GRM1: variants seen among roughly 807,000 people sequenced by gnomAD.
The protein encoded by GRM1 is metabotropic glutamate receptor 1.
A neutral mutation model predicts 90.9 loss-of-function variants in GRM1; 33 were observed. The ratio of observed to expected loss-of-function variants is 0.36; its 90% confidence interval spans 0.28 to 0.49. The LOEUF is 0.49. Ranked by LOEUF, GRM1 falls within the 20% of genes least tolerant of loss-of-function variation. The probability of loss-of-function intolerance (pLI) is 0.99; values close to 1 mark genes in which losing one functional copy is unlikely to be tolerated. For missense variants in GRM1, 1,190 were observed against 1,534.3 expected (o/e 0.78, Z 3.75); for synonymous variants, 700 against 613.2 (o/e 1.14, Z -2.09).
intron 5 of GRM1, among the ~76,000 whole-genome samples, chr6:146,366,156 T>A (rs1775678603): frequency 6.6e-6 from 1 of 152,202 alleles, no homozygotes; most frequent in Non-Finnish European, 1.5e-5. Context: ...AATGAATGAA[T>A]GAATGAATGA....
chr6:146,225,346 A>C (rs1483346212), intron 2 of GRM1, among the ~76,000 whole-genome samples: 1 of 152,144 alleles, frequency 6.6e-6, no homozygotes, highest in Non-Finnish European at 1.5e-5. Context: ...AAGACCAGGA[A>C]GATAGGGGAG....
intron 2 of GRM1, among the ~76,000 whole-genome samples, chr6:146,211,920 A>G (rs1779699803): frequency 6.6e-6 from 1 of 152,184 alleles, no homozygotes; most frequent in African/African-American, 2.4e-5. Context: ...ACATATTAAG[A>G]GATTTATTGC....
chr6:146,288,927 C>G (rs758269522), intron 2 of GRM1, among the ~76,000 whole-genome samples: 3 of 152,172 alleles, frequency 2.0e-5, no homozygotes, highest in Non-Finnish European at 4.4e-5. Context: ...GTACAATGCA[C>G]TGCTCACATA....
At chr6:146,099,488 A>G (rs2128869961) in intron 1 of GRM1, among the ~76,000 whole-genome samples, 1 of 152,320 alleles carries the variant, frequency 6.6e-6, no homozygotes, top group African/African-American at 2.4e-5. Flanking sequence ...AGCCAAGCAC[A>G]AGCATCTCCC....
At chr6:146,202,994 G>A (rs1192099357) in intron 2 of GRM1, among the ~76,000 whole-genome samples, 1 of 151,922 alleles carries the variant, frequency 6.6e-6, no homozygotes, top group Non-Finnish European at 1.5e-5. Flanking sequence ...AGGAGAGAGA[G>A]ACAATCCTGG....
In GRM1 at chr6:146,197,150, A is replaced by C. The variant is rs577471188; in HGVS notation, c.950+37553A>C. 4.8e-4 allele frequency among the ~76,000 whole-genome samples: 73 copies of C among 152,344 alleles called. 4 individuals carry two copies. The South Asian group carries it at 0.015, about 31-fold the overall frequency. ...AACTCAGAAACGAGAACAGGTGGGA[A>C]ATAGCAGGAACCAGGAGAGTCTAAC... On this transcript the variant is annotated intron_variant, in intron 2 of 7. Coordinates refer to ENST00000282753, the MANE Select transcript of GRM1 (RefSeq NM_001278064.2).
At chr6:146,079,248 A>T (rs1776284892) in intron 1 of GRM1, among the ~76,000 whole-genome samples, 1 of 152,192 alleles carries the variant, frequency 6.6e-6, no homozygotes, top group Admixed American at 6.5e-5. Context: ...CATTAGGTTG[A>T]GCAGCATGCG....
chr6:146,359,408 T>C (rs984475623), intron 5 of GRM1, among the ~76,000 whole-genome samples: 2 of 152,220 alleles, frequency 1.3e-5, no homozygotes, highest in African/African-American at 2.4e-5. Flanking sequence ...ACCCAAAGGA[T>C]GTCACATGTT....
At chr6:146,179,070 C>T (rs534194777) in intron 2 of GRM1, among the ~76,000 whole-genome samples, 1 of 152,246 alleles carries the variant, frequency 6.6e-6, no homozygotes, top group South Asian at 2.1e-4. Context: ...AATCCATTTT[C>T]AGATAGGAAA....
At chr6:146,317,548 G>A (rs549390816) in intron 3 of GRM1, among the ~76,000 whole-genome samples, 2 of 152,198 alleles carry the variant, frequency 1.3e-5, no homozygotes, top group African/African-American at 4.8e-5. Context: ...ACCAATTTCT[G>A]TATTTGTCAG....
chr6:146,092,558 G>C (rs905692653), intron 1 of GRM1, among the ~76,000 whole-genome samples: 3 of 152,056 alleles, frequency 2.0e-5, no homozygotes, highest in Non-Finnish European at 4.4e-5. Context: ...TACACATACA[G>C]AGTCACATAG....
intron 7 of GRM1, among the ~76,000 whole-genome samples, chr6:146,411,778 A>G (rs1022142362): frequency 1.3e-4 from 20 of 152,220 alleles, no homozygotes; most frequent in African/African-American, 4.1e-4. Flanking sequence ...AGATATACAC[A>G]GAGCCAACAG....
chr6:146,249,408 C>A lies in GRM1; in HGVS notation c.951-55203C>A, dbSNP rs1024515629. Among the ~76,000 whole-genome samples the A allele has an allele frequency of 5.9e-5, 9 of 152,198 alleles. No individual in the cohort carries two copies. The East Asian group carries it at 1.7e-3, about 30-fold the overall frequency. On this transcript the variant is annotated intron_variant, in intron 2 of 7. Coordinates refer to ENST00000282753, the MANE Select transcript of GRM1 (RefSeq NM_001278064.2). ...TTTGGAACTTGGTGTCCCGCATCCC[C>A]GCGGTTCCAGCTCAAACAGTGGCTA...
chr6:146,407,423 A>G (rs1318786728), intron 7 of GRM1, among the ~76,000 whole-genome samples: 1 of 152,224 alleles, frequency 6.6e-6, no homozygotes, highest in Non-Finnish European at 1.5e-5. Context: ...CACCTGAGAC[A>G]GACCATGGGC....
chr6:146,042,017 A>C lies in GRM1; in HGVS notation c.700+11800A>C, dbSNP rs1791129771. On this transcript the variant is annotated intron_variant, in intron 1 of 7. Coordinates refer to ENST00000282753, the MANE Select transcript of GRM1 (RefSeq NM_001278064.2). ...CCAGAGAAATGAACTCTGTGTCTTC[A>C]TGGTGGAAGGAACAAAAGGGCAAAG... Among the ~76,000 whole-genome samples the C allele has an allele frequency of 2.0e-5, 3 of 151,970 alleles. No homozygotes were observed. In the South Asian group the frequency reaches 6.2e-4, roughly 32 times the overall value.
intron 1 of GRM1, among the ~76,000 whole-genome samples, chr6:146,039,263 T>C (rs556757265): frequency 4.6e-5 from 7 of 152,080 alleles, no homozygotes; most frequent in African/African-American, 1.4e-4. Flanking sequence ...GGAAAGCTCA[T>C]AGAAGGTCCC....
At chr6:146,143,230 C>G (rs777597500) in intron 1 of GRM1, among the ~76,000 whole-genome samples, 1 of 152,166 alleles carries the variant, frequency 6.6e-6, no homozygotes, top group Non-Finnish European at 1.5e-5. Flanking sequence ...AACTTTTCTT[C>G]CATACCCTAA....
At chr6:146,173,314 C>T (rs1171091688) in intron 2 of GRM1, among the ~76,000 whole-genome samples, 1 of 149,860 alleles carries the variant, frequency 6.7e-6, no homozygotes, top group Non-Finnish European at 1.5e-5. Flanking sequence ...CACTTGAACC[C>T]GGAAGGCAGA....
intron 3 of GRM1, among the ~76,000 whole-genome samples, chr6:146,334,082 T>G (rs541674059): frequency 7.4e-4 from 112 of 152,310 alleles, no homozygotes; most frequent in African/African-American, 2.1e-3. Flanking sequence ...ACCTGGGTTC[T>G]CCTTTTCTTG....
Sources: gnomAD v4.1 joint callset for allele counts (sites outside exome capture counted in the v4.1 genomes callset) on GRCh38, gnomAD v4.1.1 for gene constraint, MANE v1.5 for transcripts, NCBI Gene and HGNC (gene_info 2026-07-23, HGNC 2026-07-21) for gene names.